RFC5: variants seen among roughly 807,000 people sequenced by gnomAD.
RFC5 encodes A1 36 kDa subunit.
RFC5 carries 26 observed loss-of-function variants against 44.3 expected under a neutral mutation model. That is an observed-to-expected ratio of 0.59 (90% CI 0.43 to 0.81). RFC5 has a LOEUF of 0.81. Ranked by LOEUF, RFC5 falls within the 40% of genes least tolerant of loss-of-function variation. The pLI is 0.00. For synonymous variants in RFC5, 155 were observed against 155.2 expected (o/e 1.00, Z 0.01); for missense variants, 328 against 418.6 (o/e 0.78, Z 1.89).
downstream of RFC5, among the ~76,000 whole-genome samples, chr12:118,036,931 C>A (rs528741694): frequency 1.3e-5 from 2 of 152,282 alleles, no homozygotes; most frequent in East Asian, 3.9e-4. Context: ...CCTGTAATCT[C>A]AGCACTTTGG....
At chr12:118,040,484 A>G in the RFC5 span, among the ~76,000 whole-genome samples, 1 of 152,120 alleles carries the variant, frequency 6.6e-6, no homozygotes, top group East Asian at 1.9e-4. Flanking sequence ...CTGCCAGCCG[A>G]GCGTGGTACC....
downstream of RFC5, chr12:118,036,528 T>C (rs1331932260): frequency 1.2e-6 from 2 of 1,602,226 alleles, no homozygotes; most frequent in South Asian, 1.1e-5. Context: ...AAGTAAGAAG[T>C]GCCTGGTTAG....
At position 118,027,999 on chromosome 12, in the gene RFC5, C is replaced by T. The variant is rs141396668; in HGVS notation, c.840C>T (p.Ile280=). ...TGAAGGGGTTGGCACTGCATGATAT[C>T]CTGACAGAGATACACTTGTTTGTGC... ...KTLKGLALHD[I]LTEIHLFVHR... The change falls in exon 9 of 11, where the codon ATC becomes ATT. Residue 280 remains isoleucine (I), a synonymous_variant. Coordinates refer to ENST00000454402, the MANE Select transcript of RFC5 (RefSeq NM_007370.7). 1 of 1,610,208 alleles carries T rather than the reference C, an allele frequency of 6.2e-7. No individual in the cohort carries two copies. The highest frequency in any genetic ancestry group is 8.5e-7 in the Non-Finnish European group (1 of 1,176,918).
At position 118,032,071 on chromosome 12, in the gene RFC5, G is replaced by C. The variant is rs2031354304; in HGVS notation, c.*793G>C. 1 of 152,206 alleles carries C rather than the reference G, an allele frequency of 6.6e-6. No homozygotes were observed. The highest frequency in any genetic ancestry group is 2.4e-5 in the African/African-American group (1 of 41,450). 9.4% of individuals were successfully genotyped at this position (152,206 alleles called of 1,614,324 possible). On this transcript the variant is annotated 3_prime_UTR_variant, in exon 11 of 11. Transcript: ENST00000454402. ...CAGCAATCATGCTGCATTTGTGTTA[G>C]TGTTCTTTATAATAAAAAACAAAGC...
downstream of RFC5, chr12:118,036,568 G>A (rs2031516396): frequency 5.3e-6 from 8 of 1,520,138 alleles, no homozygotes; most frequent in Admixed American, 4.0e-5. Context: ...GGACTCAAAC[G>A]GAGGGAGGGA....
intron 5 of RFC5, among the ~76,000 whole-genome samples, chr12:118,022,813 G>T (rs1487275160): frequency 6.6e-6 from 1 of 152,134 alleles, no homozygotes; most frequent in African/African-American, 2.4e-5. Flanking sequence ...ATATGGCTTG[G>T]CTTGTTTTCA....
In RFC5 at chr12:118,026,888, G is replaced by A; in HGVS notation, c.664-1G>A. On this transcript the variant is annotated splice_acceptor_variant, in intron 7 of 10. Coordinates refer to ENST00000454402, the MANE Select transcript of RFC5 (RefSeq NM_007370.7). LOFTEE classifies it high-confidence loss of function. ...TCCCCTTTCCCCCTCTGTCTACACA[G>A]AGCACCAATATGGCCTTTGGGAAGG... 1.9e-6 allele frequency: 3 copies of A among 1,613,894 alleles called. No homozygotes were observed. The highest frequency in any genetic ancestry group is 2.5e-6 in the Non-Finnish European group (3 of 1,179,942).
At chr12:118,028,507 CAAAA>C (rs2031109774) in intron 9 of RFC5, among the ~76,000 whole-genome samples, 6 of 148,144 alleles carry the variant, frequency 4.1e-5, no homozygotes, top group African/African-American at 1.5e-4. Context: ...AAACAAAACA[CAAAA>C]AACGTGTTCC....
chr12:118,024,328 G>A lies in RFC5; in HGVS notation c.422-523G>A, dbSNP rs528570016. ...TGCACTCCAGCCTGGGCAACAGAGC[G>A]AGACTCTGTTTCAAAAAAGAAAAAA... On this transcript the variant is annotated intron_variant, in intron 5 of 10. Coordinates refer to ENST00000454402, the MANE Select transcript of RFC5 (RefSeq NM_007370.7). Among the ~76,000 whole-genome samples the A allele has an allele frequency of 1.7e-4, 26 of 149,722 alleles. 1 individual carries two copies. The South Asian group carries it at 3.1e-3, about 18-fold the overall frequency.
intron 4 of RFC5, among the ~76,000 whole-genome samples, chr12:118,021,666 A>C (rs1477064421): frequency 1.3e-5 from 2 of 151,784 alleles, no homozygotes; most frequent in African/African-American, 4.8e-5. Context: ...AAGAAAGAAA[A>C]AGGGTGAGGG....
At position 118,025,731 on chromosome 12, in the gene RFC5, T is replaced by G; in HGVS notation, c.582-16T>G. ...CTCAGGGGGCCTCATAAATCCCTTT[T>G]GCTTATTTCTTTCAGAGTTGATATA... On this transcript the variant is annotated splice_polypyrimidine_tract_variant and intron_variant, in intron 6 of 10. Coordinates refer to ENST00000454402, the MANE Select transcript of RFC5 (RefSeq NM_007370.7). 2.6e-6 allele frequency: 4 copies of G among 1,544,976 alleles called. No homozygotes were observed. The highest frequency in any genetic ancestry group is 3.6e-6 in the Non-Finnish European group (4 of 1,118,242).
At chr12:118,025,038 G>A (rs759975013) in intron 6 of RFC5, 28 bp downstream of exon 6, 6 of 1,605,238 alleles carry the variant, frequency 3.7e-6, no homozygotes, top group South Asian at 1.1e-5. Flanking sequence ...CTTTGGGGAT[G>A]GAGTGTAGTA....
At chr12:118,035,371 C>A, downstream of RFC5, 1 of 1,540,804 alleles carries the variant, frequency 6.5e-7, no homozygotes, top group Non-Finnish European at 9.0e-7. Flanking sequence ...GATGGCTGCT[C>A]TCCACCCTCC....
chr12:118,033,763 A>G (rs1253279461), downstream of RFC5: 1 of 164,504 alleles, frequency 6.1e-6, no homozygotes, highest in Non-Finnish European at 1.3e-5. Context: ...CAATGCTACC[A>G]CTGCATCAGA....
At chr12:118,028,179 C>T in intron 9 of RFC5, 149 bp downstream of exon 9, 1 of 628,628 alleles carries the variant, frequency 1.6e-6, no homozygotes, top group South Asian at 1.8e-5. Flanking sequence ...TCTGTCTTGC[C>T]ACTGTTTAAA....
downstream of RFC5, chr12:118,033,968 G>T (rs767191250): frequency 3.6e-6 from 2 of 559,852 alleles, no homozygotes; most frequent in Non-Finnish European, 6.3e-6. Context: ...TTAACGTAAG[G>T]CTCTGTTGCC....
rs890966958 is a variant in RFC5 at position 118,025,915 on chromosome 12, C to T, written c.663+87C>T. On this transcript the variant is annotated intron_variant, in intron 7 of 10. Transcript: ENST00000454402. ...TCAGGCTGGAGTGCAGCAACACAAT[C>T]TCAGCTCACTGCAACCTCCGCCTCC... 7.6e-6 allele frequency: 6 copies of T among 787,246 alleles called. No homozygotes were observed. In the African/African-American group the frequency reaches 8.8e-5, roughly 12 times the overall value. The allele number at this position is 787,246 out of a possible 1,614,324, so 48.8% of individuals were successfully genotyped here.
At chr12:118,022,751 G>A (rs1215847182) in intron 5 of RFC5, among the ~76,000 whole-genome samples, 1 of 151,964 alleles carries the variant, frequency 6.6e-6, no homozygotes, top group African/African-American at 2.4e-5. Context: ...AGGAGAATTA[G>A]GAACTTTAAG....
In RFC5 at chr12:118,024,910, A is replaced by G. The variant is rs775430294; in HGVS notation, c.481A>G (p.Ile161Val). Residue 161 changes from isoleucine to valine, a missense_variant, in exon 6 of 11, where the codon ATC becomes GTC. Ile to Val is a conservative substitution (Grantham distance 29). Coordinates refer to ENST00000454402, the MANE Select transcript of RFC5 (RefSeq NM_007370.7). ...CCTCATCTGTAACTATCTGTCAAAGATCATCCCTGCCTTGCAGTCCCGCTG... is the reference window on the plus strand; with the variant it reads ...CCTCATCTGTAACTATCTGTCAAAGGTCATCCCTGCCTTGCAGTCCCGCTG... ...FCLICNYLSK[I>V]IPALQSRCTR... The G allele has an allele frequency of 6.2e-7, 1 of 1,614,044 alleles. No homozygotes were observed. The highest frequency in any genetic ancestry group is 1.1e-5 in the South Asian group (1 of 91,084).
Sources: gnomAD v4.1 joint callset for allele counts (sites outside exome capture counted in the v4.1 genomes callset) on GRCh38, gnomAD v4.1.1 for gene constraint, MANE v1.5 for transcripts, NCBI Gene and HGNC (gene_info 2026-07-23, HGNC 2026-07-21) for gene names.